HS3ST4: variants seen among roughly 807,000 people sequenced by gnomAD.
The protein encoded by HS3ST4 is heparan sulfate glucosamine 3-O-sulfotransferase 4.
In HS3ST4, 17 loss-of-function variants were observed where a neutral mutation model predicts 29.2. The observed-to-expected ratio is 0.58, with a 90% confidence interval of 0.40 to 0.87. HS3ST4 has a LOEUF of 0.87. Ranked by LOEUF, HS3ST4 falls within the 40% of genes least tolerant of loss-of-function variation. The pLI is 0.00. For missense variants in HS3ST4, 627 were observed against 634.5 expected (o/e 0.99, Z 0.13); for synonymous variants, 314 against 285.7 (o/e 1.10, Z -1.00).
At chr16:26,009,131 C>G (rs539276186) in intron 1 of HS3ST4, among the ~76,000 whole-genome samples, 105 of 152,282 alleles carry the variant, frequency 6.9e-4, no homozygotes, top group Non-Finnish European at 1.2e-3. Context: ...AAACCCTTTG[C>G]TTAATTAATA....
chr16:25,805,209 A>AGTGCTT (rs1966978393), intron 1 of HS3ST4, among the ~76,000 whole-genome samples: 1 of 152,232 alleles, frequency 6.6e-6, no homozygotes, highest in South Asian at 2.1e-4. Flanking sequence ...AGCAAGCCAC[A>AGTGCTT]GATACACTTG....
intron 1 of HS3ST4, among the ~76,000 whole-genome samples, chr16:25,841,819 A>G (rs1967416271): frequency 1.3e-5 from 2 of 152,154 alleles, no homozygotes; most frequent in Admixed American, 6.5e-5. Flanking sequence ...ATGTTTTCCC[A>G]TTCTTGTAAC....
At chr16:26,041,166 C>A (rs745536686) in intron 1 of HS3ST4, among the ~76,000 whole-genome samples, 1 of 151,926 alleles carries the variant, frequency 6.6e-6, no homozygotes, top group Non-Finnish European at 1.5e-5. Context: ...AGTGAGACCT[C>A]GTCTCTATAA....
At chr16:25,937,538 A>G (rs1419330774) in intron 1 of HS3ST4, among the ~76,000 whole-genome samples, 1 of 152,168 alleles carries the variant, frequency 6.6e-6, no homozygotes, top group African/African-American at 2.4e-5. Context: ...TCAGAAGTGT[A>G]GGAAAGCCTG....
chr16:25,775,226 A>G (rs117072028), intron 1 of HS3ST4, among the ~76,000 whole-genome samples: 146 of 152,294 alleles, frequency 9.6e-4, no homozygotes, highest in Non-Finnish European at 1.9e-3. Flanking sequence ...CAGGACATCA[A>G]TACTGAGGAT....
At chr16:25,710,942 G>C (rs1046790674) in intron 1 of HS3ST4, among the ~76,000 whole-genome samples, 11 of 148,474 alleles carry the variant, frequency 7.4e-5, no homozygotes, top group African/African-American at 2.7e-4. Flanking sequence ...TCAGCCTCCT[G>C]AGTACCTGGG....
Position 25,942,414 on chromosome 16 carries a change from G to A in HS3ST4, c.735-193198G>A, listed in dbSNP as rs191682621. Among the ~76,000 whole-genome samples, 198 of 152,196 alleles carry A rather than the reference G, an allele frequency of 1.3e-3. 4 individuals are homozygous for A. The highest frequency in any genetic ancestry group is 0.011 in the South Asian group (55 of 4,822). On this transcript the variant is annotated intron_variant, in intron 1 of 1. Transcript: ENST00000331351. ...TTATATTTCCTCCTCTTTGACAGCC[G>A]TAGAGAGAAGGGTCATCTGGAAGTA... is the stretch of plus-strand genomic sequence containing the variant.
chr16:25,726,049 C>G (rs151156435), intron 1 of HS3ST4, among the ~76,000 whole-genome samples: 260 of 152,204 alleles, frequency 1.7e-3, no homozygotes, highest in African/African-American at 5.8e-3. Context: ...TGGACTCTTA[C>G]ATTTTCTGTT....
At chr16:25,868,381 T>TCTTCCCC (rs1237306300) in intron 1 of HS3ST4, among the ~76,000 whole-genome samples, 1 of 152,130 alleles carries the variant, frequency 6.6e-6, no homozygotes, top group East Asian at 1.9e-4. Context: ...TGCTTCTCTC[T>TCTTCCCC]CTTCCCCCTT....
chr16:26,121,955 A>G (rs1899282034), intron 1 of HS3ST4, among the ~76,000 whole-genome samples: 1 of 152,174 alleles, frequency 6.6e-6, no homozygotes, highest in Non-Finnish European at 1.5e-5. Flanking sequence ...GTTATTTCAC[A>G]ATCAGGGAAA....
chr16:25,977,525 C>T (rs1202730991), intron 1 of HS3ST4, among the ~76,000 whole-genome samples: 1 of 152,170 alleles, frequency 6.6e-6, no homozygotes, highest in Admixed American at 6.5e-5. Context: ...AAGGTCTGTA[C>T]ACATCTATCA....
chr16:26,060,481 G>T (rs1286638556), intron 1 of HS3ST4, among the ~76,000 whole-genome samples: 1 of 152,064 alleles, frequency 6.6e-6, no homozygotes. Context: ...CTCTCCAACA[G>T]CTCAACATTT....
At chr16:25,907,587 C>A (rs970003817) in intron 1 of HS3ST4, among the ~76,000 whole-genome samples, 4 of 152,134 alleles carry the variant, frequency 2.6e-5, no homozygotes, top group African/African-American at 9.7e-5. Flanking sequence ...TCAAAGCACA[C>A]AAAGTGAAGT....
chr16:25,802,834 C>T (rs1323500057), intron 1 of HS3ST4, among the ~76,000 whole-genome samples: 1 of 151,478 alleles, frequency 6.6e-6, no homozygotes, highest in Non-Finnish European at 1.5e-5. Context: ...GTGTCTTACA[C>T]TTTTGTTGCT....
At chr16:25,772,903 C>T (rs1467670905) in intron 1 of HS3ST4, among the ~76,000 whole-genome samples, 1 of 152,158 alleles carries the variant, frequency 6.6e-6, no homozygotes, top group Admixed American at 6.5e-5. Flanking sequence ...AGGTGCTGGA[C>T]AGACCAAGGT....
chr16:26,056,093 A>T (rs1021363366), intron 1 of HS3ST4, among the ~76,000 whole-genome samples: 11 of 151,298 alleles, frequency 7.3e-5, no homozygotes, highest in Admixed American at 2.0e-4. Flanking sequence ...ATGCATTAAG[A>T]TTCATTGTTT....
At chr16:25,718,938 T>C (rs1423834426) in intron 1 of HS3ST4, among the ~76,000 whole-genome samples, 3 of 152,166 alleles carry the variant, frequency 2.0e-5, no homozygotes, top group Non-Finnish European at 4.4e-5. Flanking sequence ...TTGTAAAGGA[T>C]GCAAAGACAT....
intron 1 of HS3ST4, among the ~76,000 whole-genome samples, chr16:26,028,183 G>T (rs1266860821): frequency 6.9e-6 from 1 of 145,084 alleles, no homozygotes; most frequent in African/African-American, 2.6e-5. Flanking sequence ...TGAGGCAAGA[G>T]AATTGCTTGA....
At chr16:25,766,828 C>T (rs1966822545) in intron 1 of HS3ST4, among the ~76,000 whole-genome samples, 1 of 152,158 alleles carries the variant, frequency 6.6e-6, no homozygotes, top group Admixed American at 6.5e-5. Context: ...CTCAAGACAT[C>T]TCTGTGAAGT....
Sources: allele counts gnomAD v4.1 joint callset (sites outside exome capture counted in the v4.1 genomes callset), GRCh38; gene constraint gnomAD v4.1.1; transcripts MANE v1.5; gene names NCBI Gene and HGNC (gene_info 2026-07-23, HGNC 2026-07-21).